GAS2L3: variants seen among roughly 807,000 people sequenced by gnomAD.
GAS2L3 encodes GAS2-like protein 3.
GAS2L3 carries 28 observed loss-of-function variants against 37.0 expected under a neutral mutation model. The ratio of observed to expected loss-of-function variants is 0.76; its 90% CI spans 0.56 to 1.04. GAS2L3 has a LOEUF of 1.04. Among genes scored for constraint, GAS2L3 ranks in the 50% least tolerant of loss-of-function variants. The pLI, the probability that GAS2L3 is intolerant of heterozygous loss-of-function variation, is 0.00. For synonymous variants in GAS2L3, 290 were observed against 296.6 expected (o/e 0.98, Z 0.23); for missense variants, 793 against 817.6 (o/e 0.97, Z 0.37).
intron 6 of GAS2L3, among the ~76,000 whole-genome samples, chr12:100,616,518 C>G (rs944827678): frequency 6.6e-6 from 1 of 151,958 alleles, no homozygotes; most frequent in Admixed American, 6.6e-5. Flanking sequence ...TCACTGTAGT[C>G]TTGAACTCAT....
At chr12:100,612,490 G>A (rs559249834) in intron 6 of GAS2L3, 5 of 201,450 alleles carry the variant, frequency 2.5e-5, no homozygotes, top group African/African-American at 4.8e-5. Context: ...GGATAATTAC[G>A]GAAATGACAG....
At chr12:100,588,327 C>T (rs541704496) in intron 1 of GAS2L3, among the ~76,000 whole-genome samples, 11 of 152,236 alleles carry the variant, frequency 7.2e-5, no homozygotes, top group Non-Finnish European at 1.2e-4. Context: ...CATCACATAT[C>T]GGTAGGCCTG....
chr12:100,616,908 G>A (rs535005748), intron 6 of GAS2L3, among the ~76,000 whole-genome samples: 18 of 152,246 alleles, frequency 1.2e-4, no homozygotes, highest in African/African-American at 4.1e-4. Flanking sequence ...TCTTGAGGGG[G>A]AGACTTGCAG....
chr12:100,579,148 C>T (rs1428037930), intron 1 of GAS2L3: 1 of 682,774 alleles, frequency 1.5e-6, no homozygotes, highest in African/African-American at 1.8e-5. Flanking sequence ...CTGCCATGGC[C>T]CATGATGTTC....
intron 6 of GAS2L3, among the ~76,000 whole-genome samples, chr12:100,613,296 A>G (rs921581819): frequency 2.6e-5 from 4 of 152,212 alleles, no homozygotes; most frequent in Admixed American, 1.3e-4. Flanking sequence ...CCAGTAATTC[A>G]TTTTGAGGCA....
chr12:100,620,930 T>C (rs1459600737), intron 8 of GAS2L3, among the ~76,000 whole-genome samples: 1 of 152,108 alleles, frequency 6.6e-6, no homozygotes, highest in Non-Finnish European at 1.5e-5. Context: ...TAGATGCAGA[T>C]GTGCACGTGT....
intron 8 of GAS2L3, among the ~76,000 whole-genome samples, chr12:100,619,110 G>A (rs1042882608): frequency 2.0e-5 from 3 of 151,906 alleles, no homozygotes; most frequent in African/African-American, 4.8e-5. Flanking sequence ...GAGAATCTAG[G>A]GTGATTTCCA....
chr12:100,609,056 C>T (rs533442779), intron 5 of GAS2L3, among the ~76,000 whole-genome samples: 1 of 152,280 alleles, frequency 6.6e-6, no homozygotes, highest in East Asian at 1.9e-4. Context: ...CCCTTCAGGG[C>T]AGTGGCCTCC....
chr12:100,580,810 C>T (rs1011698894), intron 1 of GAS2L3, among the ~76,000 whole-genome samples: 9 of 152,160 alleles, frequency 5.9e-5, no homozygotes, highest in African/African-American at 2.2e-4. Flanking sequence ...TAGATGCTTC[C>T]TGCCGTTAAG....
chr12:100,583,712 A>G (rs1173114881), intron 1 of GAS2L3, among the ~76,000 whole-genome samples: 2 of 151,968 alleles, frequency 1.3e-5, no homozygotes, highest in Non-Finnish European at 2.9e-5. Flanking sequence ...CTCATAATAC[A>G]TCTGCCTTGG....
rs1411240931 is a variant in GAS2L3 at position 100,594,839 on chromosome 12, T to A, written c.-30-36T>A. The A allele has an allele frequency of 3.8e-6, 3 of 782,160 alleles. No individual in the cohort carries two copies. In the East Asian group the frequency reaches 9.7e-5, roughly 25 times the overall value. The allele number at this position is 782,160 out of a possible 1,614,324, so 48.5% of individuals were successfully genotyped here. A position where few individuals can be genotyped will look rare whatever the true frequency, so the allele number is the denominator to read the frequency against. ...TTTGGGGGAGTAGCAAAACTGCCAC[T>A]GTTAACTGTATGTTAATATTTTGTT... On this transcript the variant is annotated intron_variant, in intron 2 of 9. Transcript: ENST00000547754.
rs181965274 is a variant in GAS2L3 at position 100,611,534 on chromosome 12, C to T, written c.304-466C>T. 1.7e-3 allele frequency among the ~76,000 whole-genome samples: 256 copies of T among 152,242 alleles called. 1 individual carries two copies. The highest frequency in any genetic ancestry group is 5.8e-3 in the African/African-American group (239 of 41,538). ...TCCCCAGTCTTTTTGGCACCAGGTA[C>T]CAGTTTCATGGAAGACAGTTTTTCC... On this transcript the variant is annotated intron_variant, in intron 5 of 9. Transcript: ENST00000547754.
intron 6 of GAS2L3, among the ~76,000 whole-genome samples, chr12:100,612,746 C>G (rs1165955055): frequency 6.6e-6 from 1 of 152,198 alleles, no homozygotes; most frequent in African/African-American, 2.4e-5. Context: ...CATACACACA[C>G]ACACCCACCA....
In GAS2L3 at chr12:100,612,021, C is replaced by T; in HGVS notation, c.325C>T (p.Pro109Ser). 14 of 1,608,876 alleles carry T rather than the reference C, an allele frequency of 8.7e-6. No homozygotes were observed. The highest frequency in any genetic ancestry group is 4.4e-5 in the South Asian group (4 of 90,416). The change falls in exon 6 of 10, where the codon CCC becomes TCC. Residue 109 changes from proline (P) to serine (S), a missense_variant. Coordinates refer to ENST00000547754, the MANE Select transcript of GAS2L3 (RefSeq NM_174942.3). Reference protein sequence around the residue: ...ESGNFPMRKVPCKKDAASGSF... With the variant: ...ESGNFPMRKVSCKKDAASGSF... ...CCAGAATTTTCCAATGAGAAAAGTG[C>T]CCTGTAAGAAAGATGCTGCATCAGG...
In GAS2L3 at chr12:100,623,965, C is replaced by G. The variant is rs1257702259; in HGVS notation, c.1160C>G (p.Ser387Cys). 6.2e-7 allele frequency: 1 copy of G among 1,613,976 alleles called. No homozygotes were observed. The highest frequency in any genetic ancestry group is 1.3e-5 in the African/African-American group (1 of 74,904). ...GCATCTTCTCATCCCAAGCTCAAGT[C>G]TTCAAAAGGCATAACGAAGAAACCG... ...PAASSHPKLK[S>C]SKGITKKPQA... is the part of the protein sequence containing the mutation. The change falls in exon 10 of 10, where the codon TCT (serine) becomes TGT (cysteine). Residue 387 changes from serine to cysteine, a missense_variant. Physicochemically the swap from Ser to Cys is moderately radical, Grantham distance 112 (BLOSUM62 -1). Transcript: ENST00000547754.
intron 5 of GAS2L3, among the ~76,000 whole-genome samples, chr12:100,603,219 CTG>C (rs1042463383): frequency 6.6e-6 from 1 of 152,164 alleles, no homozygotes; most frequent in Admixed American, 6.5e-5. Flanking sequence ...AACCTCCAAA[CTG>C]TTCTCCACAG....
chr12:100,614,190 G>C (rs984745625), intron 6 of GAS2L3, among the ~76,000 whole-genome samples: 1 of 151,898 alleles, frequency 6.6e-6, no homozygotes, highest in African/African-American at 2.4e-5. Flanking sequence ...TAGGCTGGGC[G>C]CATTGGCTCA....
chr12:100,581,085 C>G (rs773979375), intron 1 of GAS2L3, among the ~76,000 whole-genome samples: 1 of 152,142 alleles, frequency 6.6e-6, no homozygotes, highest in African/African-American at 2.4e-5. Context: ...CAGAGAAACC[C>G]TCCATAATTA....
At chr12:100,589,226 C>A (rs1401541354) in intron 1 of GAS2L3, among the ~76,000 whole-genome samples, 1 of 152,136 alleles carries the variant, frequency 6.6e-6, no homozygotes, top group Non-Finnish European at 1.5e-5. Context: ...AATAAAAATT[C>A]AGCAAGGTTT....
Sources: gnomAD v4.1 joint callset for allele counts (sites outside exome capture counted in the v4.1 genomes callset) on GRCh38, gnomAD v4.1.1 for gene constraint, MANE v1.5 for transcripts, NCBI Gene and HGNC (gene_info 2026-07-23, HGNC 2026-07-21) for gene names.